Variants in LRFN2 observed in about 807,000 individuals in gnomAD.
LRFN2 encodes the protein leucine rich repeat and fibronectin type III domain containing 2.
Under a neutral mutation model 37.3 loss-of-function variants are expected in LRFN2, and 18 were observed. That is an observed-to-expected ratio of 0.48 (90% CI 0.33 to 0.72). The LOEUF (loss-of-function observed/expected upper bound fraction) is 0.72, where lower values mean the gene tolerates loss of function less well. LRFN2 is among the 30% of genes least tolerant of loss of function. The probability of loss-of-function intolerance (pLI) is 0.02; values close to 1 mark genes in which losing one functional copy is unlikely to be tolerated. For missense variants in LRFN2, 1,006 were observed against 1,060.7 expected (o/e 0.95, Z 0.72); for synonymous variants, 556 against 466.6 (o/e 1.19, Z -2.47).
chr6:40,520,251 G>A (rs769465351), intron 1 of LRFN2, among the ~76,000 whole-genome samples: 16 of 152,130 alleles, frequency 1.1e-4, no homozygotes, highest in South Asian at 2.1e-4. Context: ...CAGTTCTGGC[G>A]TACGGCAGTG....
At chr6:40,465,226 G>C (rs1764431435) in intron 1 of LRFN2, among the ~76,000 whole-genome samples, 1 of 152,120 alleles carries the variant, frequency 6.6e-6, no homozygotes, top group Non-Finnish European at 1.5e-5. Flanking sequence ...CTACCCTAGA[G>C]CCCCCTGAAA....
intron 1 of LRFN2, among the ~76,000 whole-genome samples, chr6:40,542,177 A>C (rs1268200337): frequency 6.6e-6 from 1 of 152,198 alleles, no homozygotes; most frequent in Non-Finnish European, 1.5e-5. Flanking sequence ...GTGTACTGGC[A>C]TCAACTCTGA....
chr6:40,541,111 A>G (rs1401287226), intron 1 of LRFN2, among the ~76,000 whole-genome samples: 2 of 152,118 alleles, frequency 1.3e-5, no homozygotes, highest in African/African-American at 2.4e-5. Flanking sequence ...GCAGCATCCC[A>G]CATCACTGGT....
At chr6:40,438,575 TCCAGG>T (rs1397321904) in intron 1 of LRFN2, among the ~76,000 whole-genome samples, 1 of 152,206 alleles carries the variant, frequency 6.6e-6, no homozygotes, top group Non-Finnish European at 1.5e-5. Flanking sequence ...ATCGTCTGGC[TCCAGG>T]CCATGCTCAG....
At chr6:40,564,847 C>T (rs142275924) in intron 1 of LRFN2, among the ~76,000 whole-genome samples, 239 of 152,256 alleles carry the variant, frequency 1.6e-3, no homozygotes, top group African/African-American at 5.2e-3. Context: ...TCTCCACCAT[C>T]AGTGTGATCA....
chr6:40,524,042 C>T (rs1026463624), intron 1 of LRFN2: 3 of 152,106 alleles, frequency 2.0e-5, no homozygotes, highest in African/African-American at 7.2e-5. Flanking sequence ...ATGGCACTTC[C>T]CAGCAGTTGC....
chr6:40,486,157 G>T (rs1456941932), intron 1 of LRFN2, among the ~76,000 whole-genome samples: 1 of 152,200 alleles, frequency 6.6e-6, no homozygotes, highest in Non-Finnish European at 1.5e-5. Context: ...TGAAGAATAT[G>T]TAAGTCTAGA....
intron 1 of LRFN2, among the ~76,000 whole-genome samples, chr6:40,488,300 C>A (rs936710498): frequency 6.6e-6 from 1 of 152,016 alleles, no homozygotes. Flanking sequence ...CCTTCCAGAC[C>A]AGACCTTTCT....
chr6:40,458,109 A>T (rs1764272304), intron 1 of LRFN2, among the ~76,000 whole-genome samples: 1 of 152,220 alleles, frequency 6.6e-6, no homozygotes, highest in South Asian at 2.1e-4. Flanking sequence ...ACTAAAGCAT[A>T]ATCTAGTTAT....
At chr6:40,417,139 T>C (rs901530618) in intron 2 of LRFN2, among the ~76,000 whole-genome samples, 6 of 152,252 alleles carry the variant, frequency 3.9e-5, no homozygotes, top group South Asian at 2.1e-4. Flanking sequence ...ACTCAGACCT[T>C]TTTCCTAGCA....
At chr6:40,577,994 G>A (rs147414720) in intron 1 of LRFN2, among the ~76,000 whole-genome samples, 104 of 151,894 alleles carry the variant, frequency 6.8e-4, no homozygotes, top group African/African-American at 2.3e-3. Context: ...CAGGTTCCCC[G>A]TCCCTTCTGT....
intron 1 of LRFN2, among the ~76,000 whole-genome samples, chr6:40,556,716 GACACACACAC>G (rs35308131): frequency 2.5e-5 from 3 of 120,862 alleles, no homozygotes; most frequent in Admixed American, 8.3e-5. Flanking sequence ...TACCTACATA[GACACACACAC>G]ACACACACAC....
chr6:40,392,917 G>C lies in LRFN2; in HGVS notation c.1401-5C>G, dbSNP rs768110670. The C allele has an allele frequency of 1.3e-5, 20 of 1,598,022 alleles. No homozygotes were observed. The African/African-American group carries it at 2.3e-4, about 18-fold the overall frequency. On this transcript the variant is annotated splice_polypyrimidine_tract_variant and splice_region_variant and intron_variant, in intron 2 of 2. Coordinates refer to ENST00000338305, the MANE Select transcript of LRFN2 (RefSeq NM_020737.3). The surrounding 1 kb of genome is among the most constrained non-coding windows in gnomAD (Gnocchi z 4.7). ...TTGTTGGAGGCTGGGATCATCCTGG[G>C]GAGGGAGGTGGACAGAAATAGTGAG... is the stretch of plus-strand genomic sequence containing the variant.
intron 1 of LRFN2, among the ~76,000 whole-genome samples, chr6:40,574,052 C>T (rs550999766): frequency 6.6e-6 from 1 of 152,282 alleles, no homozygotes; most frequent in African/African-American, 2.4e-5. Flanking sequence ...CAGGTGGTCA[C>T]CCTAGACTTG....
At chr6:40,491,036 A>G (rs1765080845) in intron 1 of LRFN2, among the ~76,000 whole-genome samples, 1 of 152,312 alleles carries the variant, frequency 6.6e-6, no homozygotes, top group South Asian at 2.1e-4. Flanking sequence ...GAGGAGGAAG[A>G]CAAAGAGGAT....
rs763811775 is a variant in LRFN2, at chr6:40,431,804, A to C, written c.1310T>G (p.Leu437Arg). Residue 437 changes from leucine (L) to arginine (R), a missense_variant, in exon 2 of 3, where the codon CTG becomes CGG. Physicochemically the swap from Leu to Arg is moderately radical, Grantham distance 102. This residue lies in a region of LRFN2 where 120 missense variants were observed against 178.4 expected (regional missense o/e 0.67). Transcript: ENST00000338305. ...TGACTTGCTGACAGACCACTTGACC[A>C]GGGCCGAGGTGGTGGTCACTTCAGA... ...LVSEVTTTSA[L>R]VKWSVSKSAP... is the part of the protein sequence containing the mutation. 1.9e-6 allele frequency: 3 copies of C among 1,543,672 alleles called. No individual in the cohort carries two copies. The highest frequency in any genetic ancestry group is 2.0e-5 in the Admixed American group (1 of 51,260).
At chr6:40,426,565 T>C (rs951168984) in intron 2 of LRFN2, among the ~76,000 whole-genome samples, 6 of 152,182 alleles carry the variant, frequency 3.9e-5, no homozygotes, top group Admixed American at 2.0e-4. Context: ...TGGAGAGCAA[T>C]GAGAGACATG....
intron 1 of LRFN2, among the ~76,000 whole-genome samples, chr6:40,497,121 TG>T (rs1765246823): frequency 6.6e-6 from 1 of 152,180 alleles, no homozygotes. Flanking sequence ...CATCCCAAAG[TG>T]ACGCCCTTCT....
At chr6:40,435,108 A>G (rs969336964) in intron 1 of LRFN2, among the ~76,000 whole-genome samples, 5 of 132,916 alleles carry the variant, frequency 3.8e-5, no homozygotes, top group African/African-American at 1.4e-4. Flanking sequence ...GATAATATAT[A>G]TTATATATTT....
Sources: gnomAD v4.1 joint callset for allele counts (sites outside exome capture counted in the v4.1 genomes callset) on GRCh38, gnomAD v4.1.1 for gene constraint, gnomAD v4.1.1 regional missense constraint, Gnocchi (gnomAD v3.1) non-coding constraint, MANE v1.5 for transcripts, NCBI Gene and HGNC (gene_info 2026-07-23, HGNC 2026-07-21) for gene names.